TEX11: variants seen among roughly 807,000 people sequenced by gnomAD.
The protein encoded by TEX11 is testis expressed 11.
TEX11 carries 7 observed loss-of-function variants against 84.4 expected under a neutral mutation model. The observed-to-expected ratio is 0.08, with a 90% CI of 0.05 to 0.16. The LOEUF (loss-of-function observed/expected upper bound fraction) is 0.16. Ranked by LOEUF, TEX11 falls within the 10% of genes least tolerant of loss-of-function variation. The pLI is 1.00. For missense variants in TEX11, 551 were observed against 660.5 expected (o/e 0.83, Z 1.82); for synonymous variants, 264 against 222.8 (o/e 1.18, Z -1.64).
intron 28 of TEX11, among the ~76,000 whole-genome samples, chrX:70,544,912 AT>A (rs1402667474): frequency 6.6e-5 from 7 of 106,178 alleles, no homozygotes; most frequent in South Asian, 4.0e-4. Flanking sequence ...TAAAAAAAAA[AT>A]TTTTTTTTTG....
intron 25 of TEX11, 66 bp downstream of exon 25, chrX:70,591,685 A>C (rs2088932783): frequency 1.1e-6 from 1 of 887,292 alleles, no homozygotes; most frequent in African/African-American, 2.0e-5. Flanking sequence ...TGGTGACAAA[A>C]GACTTGTTTA....
chrX:70,669,560 A>C (rs1822213716), intron 16 of TEX11, among the ~76,000 whole-genome samples: 1 of 112,819 alleles, frequency 8.9e-6, no homozygotes, highest in African/African-American at 3.2e-5. Flanking sequence ...TATAACATAT[A>C]AACTAAATAG....
chrX:70,899,845 TAA>T (rs746225121), intron 2 of TEX11, among the ~76,000 whole-genome samples: 24 of 30,612 alleles, frequency 7.8e-4, no homozygotes, highest in African/African-American at 2.3e-3. Context: ...GGTCCTGTAT[TAA>T]AAAAAAAAAA....
intron 20 of TEX11, among the ~76,000 whole-genome samples, chrX:70,618,371 C>A (rs2089343418): frequency 1.8e-5 from 2 of 111,189 alleles, no homozygotes; most frequent in Non-Finnish European, 3.8e-5. Context: ...CTGTGTGCTC[C>A]CTTGAGGCGG....
rs57166359 is a variant in TEX11 at position 70,671,910 on chromosome X, T to TATATATATATACAC, written c.1243-1397_1243-1396insGTGTATATATATAT. On this transcript the variant is annotated intron_variant, in intron 15 of 29. Transcript: ENST00000374333. ...ATATATATATATATATATATATATATACACACACACATAGCTAAAACCATC... is the reference window on the plus strand; with the variant it reads ...ATATATATATATATATATATATATATATATATATATACACACACACACACATAGCTAAAACCATC... Among the ~76,000 whole-genome samples the TATATATATATACAC allele has an allele frequency of 4.5e-3, 303 of 67,861 alleles. 5 individuals are homozygous for TATATATATATACAC. The highest frequency in any genetic ancestry group is 0.015 in the East Asian group (25 of 1,702). 58.9% of individuals were successfully genotyped at this position (67,861 alleles called of 115,157 possible). A position where few individuals can be genotyped will look rare whatever the true frequency, so the allele number is the denominator to read the frequency against.
chrX:70,562,696 T>C (rs1407284847), intron 25 of TEX11, among the ~76,000 whole-genome samples: 2 of 112,081 alleles, frequency 1.8e-5, no homozygotes, highest in Non-Finnish European at 3.8e-5. Context: ...TCCGGTAAAA[T>C]CTACTCTTTG....
chrX:70,564,619 C>T (rs1244660028), intron 25 of TEX11, among the ~76,000 whole-genome samples: 6 of 99,679 alleles, frequency 6.0e-5, no homozygotes, highest in African/African-American at 1.8e-4. Context: ...GTATTCTCAT[C>T]GTTCAATTCC....
chrX:70,822,719 T>C (rs1020811137), intron 8 of TEX11, among the ~76,000 whole-genome samples: 1 of 111,440 alleles, frequency 9.0e-6, no homozygotes, highest in African/African-American at 3.3e-5. Flanking sequence ...GTGGTGCCAG[T>C]ATCTGCTTCT....
chrX:70,560,097 T>C (rs1439376018), intron 25 of TEX11, among the ~76,000 whole-genome samples: 1 of 111,319 alleles, frequency 9.0e-6, no homozygotes, highest in African/African-American at 3.3e-5. Flanking sequence ...GCTGAGCATC[T>C]TTTCCTTTGC....
intron 12 of TEX11, 54 bp from the exon 13 acceptor site, chrX:70,722,750 G>T: frequency 1.1e-6 from 1 of 949,186 alleles, no homozygotes; most frequent in Non-Finnish European, 1.5e-6. Flanking sequence ...AGGAAGCTTA[G>T]TTATTTTCAA....
At chrX:70,795,956 C>A (rs1311525435) in intron 9 of TEX11, among the ~76,000 whole-genome samples, 3 of 111,390 alleles carry the variant, frequency 2.7e-5, no homozygotes, top group Non-Finnish European at 5.6e-5. Flanking sequence ...CAACAAATAT[C>A]CACAAGCCTC....
chrX:70,519,991 C>G, the TEX11 span, among the ~76,000 whole-genome samples: 1 of 111,667 alleles, frequency 9.0e-6, no homozygotes, highest in African/African-American at 3.3e-5. Context: ...CTTCTCTACA[C>G]TGTTTATTCT....
chrX:70,768,044 A>G (rs912386671), intron 9 of TEX11, among the ~76,000 whole-genome samples: 2 of 111,365 alleles, frequency 1.8e-5, no homozygotes, highest in Non-Finnish European at 3.8e-5. Context: ...ATAGTTTAAA[A>G]GAAGGAATAA....
intron 9 of TEX11, among the ~76,000 whole-genome samples, chrX:70,755,293 A>G (rs767970715): frequency 8.9e-6 from 1 of 111,941 alleles, no homozygotes; most frequent in Non-Finnish European, 1.9e-5. Context: ...TTTAACAGAC[A>G]AATTTATTTG....
At chrX:70,633,935 A>G (rs1193101866) in intron 17 of TEX11, among the ~76,000 whole-genome samples, 1 of 111,412 alleles carries the variant, frequency 9.0e-6, no homozygotes, top group Non-Finnish European at 1.9e-5. Flanking sequence ...TCTCATAAAC[A>G]AACAAACAAA....
chrX:70,706,624 C>T (rs2090379526), intron 13 of TEX11, among the ~76,000 whole-genome samples: 1 of 110,924 alleles, frequency 9.0e-6, no homozygotes, highest in Non-Finnish European at 1.9e-5. Context: ...GTATTTGTTT[C>T]ATAATTTTGA....
chrX:70,756,783 G>A (rs183362221), intron 9 of TEX11, among the ~76,000 whole-genome samples: 6 of 112,230 alleles, frequency 5.3e-5, no homozygotes, highest in Admixed American at 9.4e-5. Flanking sequence ...CAAGTTGACA[G>A]AAGTAGGCTT....
At chrX:70,791,039 C>G (rs912692098) in intron 9 of TEX11, among the ~76,000 whole-genome samples, 4 of 111,666 alleles carry the variant, frequency 3.6e-5, no homozygotes, top group African/African-American at 1.3e-4. Context: ...CCATGGAATA[C>G]TATGCAGCCA....
intron 25 of TEX11, among the ~76,000 whole-genome samples, chrX:70,576,613 C>T (rs2088677060): frequency 8.9e-6 from 1 of 112,000 alleles, no homozygotes; most frequent in African/African-American, 3.2e-5. Flanking sequence ...AATATGCATT[C>T]ATAAATATAT....
Sources: gnomAD v4.1 joint callset for allele counts (sites outside exome capture counted in the v4.1 genomes callset) on GRCh38, gnomAD v4.1.1 for gene constraint, MANE v1.5 for transcripts, NCBI Gene and HGNC (gene_info 2026-07-23, HGNC 2026-07-21) for gene names.